The following SLC7A9 variants were observed in gnomAD, a reference collection of about 807,000 sequenced individuals.
SLC7A9 encodes the protein B(0,+)-type amino acid transporter 1.
SLC7A9 carries 38 observed loss-of-function variants against 54.1 expected under a neutral mutation model. That is an observed-to-expected ratio of 0.70 (90% CI 0.54 to 0.92). SLC7A9 has a LOEUF of 0.92. Ranked by LOEUF, SLC7A9 falls within the 40% of genes least tolerant of loss-of-function variation. The pLI is 0.00. For missense variants in SLC7A9, 537 were observed against 636.1 expected (o/e 0.84, Z 1.68); for synonymous variants, 264 against 258.9 (o/e 1.02, Z -0.19).
intron 12 of SLC7A9, 164 bp downstream of exon 12, chr19:32,832,985 C>G (rs1401107003): frequency 8.1e-6 from 6 of 736,966 alleles, no homozygotes; most frequent in Non-Finnish European, 1.5e-5. Flanking sequence ...CAAGGGTGGA[C>G]CCAGAGGTGT....
chr19:32,864,529 C>T (rs1968905418), intron 3 of SLC7A9, 100 bp downstream of exon 3: 3 of 1,553,918 alleles, frequency 1.9e-6, no homozygotes, highest in Non-Finnish European at 2.6e-6. Flanking sequence ...ATACATGTGC[C>T]AAGAGGGATA....
At chr19:32,857,694 C>T (rs766042445) in intron 9 of SLC7A9, among the ~76,000 whole-genome samples, 17 of 152,104 alleles carry the variant, frequency 1.1e-4, no homozygotes, top group Non-Finnish European at 1.6e-4. Context: ...ATGTTCACTG[C>T]GGCAACGTTC....
At position 32,843,930 on chromosome 19, in the gene SLC7A9, C is replaced by T. The variant is rs76876507; in HGVS notation, c.999G>A (p.Arg333=). 1 of 1,613,672 alleles carries T rather than the reference C, an allele frequency of 6.2e-7. No individual in the cohort carries two copies. Among genetic ancestry groups the T allele is most frequent in the South Asian group, 1.1e-5 (1 of 91,042 alleles). The part of the protein sequence containing the change: ...TAGRLIYVAG[R]EGHMLKVLSY... ...AAAGCACTTTGAGCATGTGACCCTC[C>T]CGGCCCGCCACGTAAATGAGTCTGG... The change falls in exon 10 of 13, where the codon CGG becomes CGA. Residue 333 remains arginine, a synonymous_variant. Transcript: ENST00000023064.
At chr19:32,842,146 G>GAC (rs1968144103) in intron 11 of SLC7A9, 22 bp downstream of exon 11, 2 of 1,613,554 alleles carry the variant, frequency 1.2e-6, no homozygotes, top group Admixed American at 1.7e-5. Flanking sequence ...AGCCACTCGT[G>GAC]ACTCTGGGGC....
chr19:32,861,003 C>T (rs1968785044), intron 6 of SLC7A9, among the ~76,000 whole-genome samples: 1 of 152,124 alleles, frequency 6.6e-6, no homozygotes, highest in Admixed American at 6.5e-5. Flanking sequence ...AGAGAAGGAC[C>T]ATCGTTGCAG....
At chr19:32,833,519 C>T (rs754123871) in intron 11 of SLC7A9, among the ~76,000 whole-genome samples, 196 bp from the exon 12 acceptor site, 5 of 151,930 alleles carry the variant, frequency 3.3e-5, no homozygotes, top group African/African-American at 9.7e-5. Flanking sequence ...GTTTTTTGGC[C>T]GGGCATGGGT....
intron 10 of SLC7A9, among the ~76,000 whole-genome samples, chr19:32,842,791 T>C (rs1968166961): frequency 6.6e-6 from 1 of 152,112 alleles, no homozygotes; most frequent in African/African-American, 2.4e-5. Context: ...TTTTGTATTT[T>C]TAGTGAGATG....
At chr19:32,856,796 C>T (rs1012637367) in intron 9 of SLC7A9, among the ~76,000 whole-genome samples, 2 of 152,094 alleles carry the variant, frequency 1.3e-5, no homozygotes, top group East Asian at 1.9e-4. Flanking sequence ...AGACTAGTCT[C>T]GAACTCCTGG....
intron 2 of SLC7A9, among the ~76,000 whole-genome samples, chr19:32,865,449 G>A (rs970472205): frequency 3.9e-5 from 6 of 152,326 alleles, no homozygotes; most frequent in Middle Eastern, 6.8e-3. Flanking sequence ...GATTGCAGGC[G>A]TAAGCCGCCG....
At chr19:32,855,015 G>A (rs555751262) in intron 9 of SLC7A9, among the ~76,000 whole-genome samples, 2 of 152,244 alleles carry the variant, frequency 1.3e-5, no homozygotes, top group Non-Finnish European at 2.9e-5. Context: ...TCATTACAAC[G>A]TTATTCACCA....
intron 11 of SLC7A9, among the ~76,000 whole-genome samples, chr19:32,841,087 C>T (rs1968114747): frequency 1.3e-5 from 2 of 152,124 alleles, no homozygotes; most frequent in Admixed American, 1.3e-4. Flanking sequence ...TCAGCTGATG[C>T]CAGAGACTTG....
intron 7 of SLC7A9, 36 bp downstream of exon 7, chr19:32,860,570 C>T (rs1365532821): frequency 1.2e-6 from 2 of 1,614,040 alleles, no homozygotes; most frequent in South Asian, 2.2e-5. Context: ...AATCAGGCTG[C>T]CCGGCTACTG....
At chr19:32,855,526 CA>C (rs1452884792) in intron 9 of SLC7A9, among the ~76,000 whole-genome samples, 1 of 152,000 alleles carries the variant, frequency 6.6e-6, no homozygotes, top group Non-Finnish European at 1.5e-5. Flanking sequence ...GGTGAAACCC[CA>C]TCTCTACTAA....
rs1176780097 is a variant in SLC7A9 at position 32,833,288 on chromosome 19, G to A, written c.1260C>T (p.Ile420=). ...TTGGAGCCAGAACCAAAAACACAGA[G>A]ATGAGTGTCATCAAGACGGGAATGA... ...PVVIPVLMTL[I]SVFLVLAPII... Residue 420 remains isoleucine, a synonymous_variant, in exon 12 of 13, where the codon ATC becomes ATT. Transcript: ENST00000023064. The A allele has an allele frequency of 1.2e-6, 2 of 1,614,198 alleles. No homozygotes were observed. The highest frequency in any genetic ancestry group is 1.7e-4 in the Middle Eastern group (1 of 6,060).
intron 9 of SLC7A9, among the ~76,000 whole-genome samples, chr19:32,845,489 A>G (rs1338488352): frequency 6.6e-6 from 1 of 152,134 alleles, no homozygotes; most frequent in African/African-American, 2.4e-5. Context: ...GCGACAGAAC[A>G]AGACTCTGTC....
chr19:32,865,862 T>C (rs1159185267), intron 2 of SLC7A9, among the ~76,000 whole-genome samples: 3 of 150,056 alleles, frequency 2.0e-5, no homozygotes, highest in African/African-American at 7.4e-5. Context: ...CCTAGCTACT[T>C]AGGAGGCTGA....
intron 2 of SLC7A9, among the ~76,000 whole-genome samples, chr19:32,865,056 G>T (rs950234490): frequency 4.6e-5 from 7 of 152,200 alleles, no homozygotes; most frequent in Admixed American, 3.3e-4. Context: ...TTAGGAGGCT[G>T]TCCGGGGTTT....
At chr19:32,840,182 T>C (rs540074408) in intron 11 of SLC7A9, among the ~76,000 whole-genome samples, 37 of 152,274 alleles carry the variant, frequency 2.4e-4, no homozygotes, top group Non-Finnish European at 4.7e-4. Context: ...TTCTTTTCTT[T>C]TTTTCTTTGC....
rs965239146 is a variant in SLC7A9, at chr19:32,833,231, G to A, written c.1317C>T (p.Tyr439=). 2 of 1,614,154 alleles carry A rather than the reference G, an allele frequency of 1.2e-6. No individual in the cohort carries two copies. The highest frequency in any genetic ancestry group is 2.2e-5 in the South Asian group (2 of 91,078). ...IISKPTWEYL[Y]CVLFILSGLL... ...GGCCGCTTAATATAAACAGCACACA[G>A]TAGAGGTACTCCCAGGTGGGCTTGC... is the stretch of plus-strand genomic sequence containing the variant. Residue 439 remains tyrosine (Y), a synonymous_variant, in exon 12 of 13, where the codon TAC becomes TAT. Coordinates refer to ENST00000023064, the MANE Select transcript of SLC7A9 (RefSeq NM_014270.5).
Sources: allele counts gnomAD v4.1 joint callset (sites outside exome capture counted in the v4.1 genomes callset), GRCh38; gene constraint gnomAD v4.1.1; transcripts MANE v1.5; gene names NCBI Gene and HGNC (gene_info 2026-07-23, HGNC 2026-07-21).